Variants in TCFL5 observed in about 807,000 individuals in gnomAD.
TCFL5 encodes the protein transcription factor-like 5 protein.
In TCFL5, 9 loss-of-function variants were observed where a neutral mutation model predicts 44.3. The ratio of observed to expected loss-of-function variants is 0.20; its 90% CI spans 0.12 to 0.35. The LOEUF (loss-of-function observed/expected upper bound fraction) is 0.35. TCFL5 is among the 10% of genes least tolerant of loss of function. The pLI is 1.00. For synonymous variants in TCFL5, 319 were observed against 271.6 expected (o/e 1.17, Z -1.72); for missense variants, 603 against 613.4 (o/e 0.98, Z 0.18).
At chr20:62,859,285 G>T in intron 3 of TCFL5, 79 bp downstream of exon 3, 2 of 1,448,396 alleles carry the variant, frequency 1.4e-6, no homozygotes, top group Non-Finnish European at 1.9e-6. Context: ...TGTCTCCCCT[G>T]CCCCCCAAGG....
intron 2 of TCFL5, 38 bp from the exon 3 acceptor site, chr20:62,859,564 G>A (rs1321587455): frequency 6.3e-6 from 10 of 1,588,242 alleles, no homozygotes; most frequent in Non-Finnish European, 6.8e-6. Flanking sequence ...TTATCAATAT[G>A]TGGCTTACTC....
In TCFL5 at chr20:62,856,691, G is replaced by A. The variant is rs1369222451; in HGVS notation, c.1238+704C>T. On this transcript the variant is annotated intron_variant, in intron 4 of 5. Transcript: ENST00000335351. Reference sequence around the variant, plus strand: ...ACTGCACTCCAGCCTGGGCGACAGAGCAAGACTCCGTCTCAAAAAAAAAAA... The same window carrying A: ...ACTGCACTCCAGCCTGGGCGACAGAACAAGACTCCGTCTCAAAAAAAAAAA... 1.7e-4 allele frequency among the ~76,000 whole-genome samples: 19 copies of A among 113,430 alleles called. No individual in the cohort carries two copies. In the Admixed American group the frequency reaches 2.4e-3, roughly 14 times the overall value. The allele number at this position is 113,430 out of a possible 152,430, so 74.4% of individuals were successfully genotyped here.
intron 4 of TCFL5, among the ~76,000 whole-genome samples, chr20:62,856,927 T>C (rs1264593446): frequency 1.3e-5 from 2 of 152,176 alleles, no homozygotes; most frequent in African/African-American, 4.8e-5. Context: ...GCTTTCCTTC[T>C]GGGAGACTGG....
intron 5 of TCFL5, chr20:62,845,350 T>C (rs1249454377): frequency 1.8e-6 from 2 of 1,107,866 alleles, no homozygotes; most frequent in African/African-American, 3.3e-5. Context: ...CTCGAACTCC[T>C]GACCTCAGGT....
chr20:62,842,287 T>C lies in TCFL5; in HGVS notation c.1381-190A>G, dbSNP rs2063688053. On this transcript the variant is annotated intron_variant, in intron 5 of 5. Transcript: ENST00000335351. The surrounding 1 kb of genome is among the most constrained non-coding windows in gnomAD (Gnocchi z 4.3). The stretch of plus-strand genomic sequence containing the variant: ...ATAATAAACAGATTTTAACTTTTTT[T>C]TTTTCAAATAGCAGTTACACTGTAC... 1.3e-5 allele frequency among the ~76,000 whole-genome samples: 2 copies of C among 152,236 alleles called. No individual in the cohort carries two copies. The highest frequency in any genetic ancestry group is 4.1e-4 in the South Asian group (2 of 4,830).
At chr20:62,848,786 C>T (rs1284890371) in intron 5 of TCFL5, among the ~76,000 whole-genome samples, 2 of 152,054 alleles carry the variant, frequency 1.3e-5, no homozygotes, top group African/African-American at 4.8e-5. Context: ...GCCTGTAATC[C>T]CAGCACTTTG....
intron 5 of TCFL5, among the ~76,000 whole-genome samples, chr20:62,847,123 T>C (rs947277553): frequency 6.7e-6 from 1 of 149,492 alleles, no homozygotes; most frequent in Non-Finnish European, 1.5e-5. Context: ...GCAGACGCTG[T>C]AGTGAGCCAA....
intron 5 of TCFL5, among the ~76,000 whole-genome samples, chr20:62,847,371 T>C (rs1018370103): frequency 8.6e-5 from 13 of 151,632 alleles, no homozygotes; most frequent in African/African-American, 2.9e-4. Context: ...AAGAAGGAAA[T>C]AATAGAAATA....
chr20:62,846,843 G>C (rs1008265689), intron 5 of TCFL5, among the ~76,000 whole-genome samples: 1 of 151,412 alleles, frequency 6.6e-6, no homozygotes, highest in Non-Finnish European at 1.5e-5. Flanking sequence ...TAAGAAAAAA[G>C]AAATAGCTCT....
At chr20:62,846,695 G>A (rs907027456) in intron 5 of TCFL5, among the ~76,000 whole-genome samples, 1 of 151,406 alleles carries the variant, frequency 6.6e-6, no homozygotes, top group Non-Finnish European at 1.5e-5. Context: ...GAGCCCAAGA[G>A]GACGAGGCTG....
intron 4 of TCFL5, among the ~76,000 whole-genome samples, chr20:62,854,611 C>A (rs1408248273): frequency 4.6e-5 from 7 of 152,244 alleles, no homozygotes; most frequent in African/African-American, 1.7e-4. Flanking sequence ...CTACCAGGAA[C>A]TCGTGCACAG....
Position 62,848,717 on chromosome 20 carries a change from G to A in TCFL5, c.1380+5299C>T, listed in dbSNP as rs185994711. Among the ~76,000 whole-genome samples, 29 of 152,218 alleles carry A rather than the reference G, an allele frequency of 1.9e-4. No homozygotes were observed. In the East Asian group the frequency reaches 5.4e-3, roughly 28 times the overall value. ...CACGCCATTGCACTCCAGACTGGGT[G>A]ACAAGAGCGAGACTCCGTCTCAAAA... On this transcript the variant is annotated intron_variant, in intron 5 of 5. Coordinates refer to ENST00000335351, the MANE Select transcript of TCFL5 (RefSeq NM_006602.4).
chr20:62,855,447 CAG>C (rs1050683299), intron 4 of TCFL5, among the ~76,000 whole-genome samples: 1 of 152,226 alleles, frequency 6.6e-6, no homozygotes, highest in African/African-American at 2.4e-5. Flanking sequence ...CACCCTGCCC[CAG>C]CAAGTTTGAA....
rs1336286380 is a variant in TCFL5, at chr20:62,842,441, G to A, written c.1381-344C>T. Reference sequence around the variant, plus strand: ...TAGCTAATAAACCTGTAAACCCAGCGTGTGAGAGAAGGTAGAGTGTATATA... The same window carrying A: ...TAGCTAATAAACCTGTAAACCCAGCATGTGAGAGAAGGTAGAGTGTATATA... On this transcript the variant is annotated intron_variant, in intron 5 of 5. Transcript: ENST00000335351. The surrounding 1 kb of genome is among the most constrained non-coding windows in gnomAD (Gnocchi z 4.3). Among the ~76,000 whole-genome samples, 15 of 152,142 alleles carry A rather than the reference G, an allele frequency of 9.9e-5. No individual in the cohort carries two copies. The highest frequency in any genetic ancestry group is 6.5e-4 in the Admixed American group (10 of 15,278).
Position 62,859,289 on chromosome 20 carries a change from C to T in TCFL5, c.994+75G>A, listed in dbSNP as rs113008071. On this transcript the variant is annotated intron_variant, in intron 3 of 5. Transcript: ENST00000335351. Reference sequence around the variant, plus strand: ...TACAAACCATCTGTCTCCCCTGCCCCCCAAGGCCAAAATGCCATCAGCCAC... The same window carrying T: ...TACAAACCATCTGTCTCCCCTGCCCTCCAAGGCCAAAATGCCATCAGCCAC... 2.0e-6 allele frequency: 3 copies of T among 1,512,096 alleles called. No homozygotes were observed. The South Asian group carries it at 3.7e-5, about 19-fold the overall frequency. 93.7% of individuals were successfully genotyped at this position (1,512,096 alleles called of 1,614,324 possible). A position where few individuals can be genotyped will look rare whatever the true frequency, so the allele number is the denominator to read the frequency against.
chr20:62,850,781 A>G (rs2063799268), intron 5 of TCFL5, among the ~76,000 whole-genome samples: 1 of 151,944 alleles, frequency 6.6e-6, no homozygotes, highest in Admixed American at 6.6e-5. Flanking sequence ...GCAGGCAGGC[A>G]CTCCTCAGAC....
At chr20:62,858,273 A>C (rs1319141711) in intron 3 of TCFL5, among the ~76,000 whole-genome samples, 1 of 152,232 alleles carries the variant, frequency 6.6e-6, no homozygotes, top group Non-Finnish European at 1.5e-5. Flanking sequence ...TCAAAGGACC[A>C]CAGGCACGTG....
intron 5 of TCFL5, chr20:62,852,613 C>A: frequency 1.0e-6 from 1 of 985,492 alleles, no homozygotes; most frequent in East Asian, 1.1e-4. Context: ...GCTAACACGC[C>A]GGCTCCTCCC....
In TCFL5 at chr20:62,842,108, G is replaced by A. The variant is rs751453955; in HGVS notation, c.1381-11C>T. On this transcript the variant is annotated splice_polypyrimidine_tract_variant and intron_variant, in intron 5 of 5. Transcript: ENST00000335351. This position sits in a 1 kb window ranked among gnomAD's most constrained non-coding sequence, Gnocchi z 4.3. Reference sequence around the variant, plus strand: ...TACGCTCTCAAATTCCTGCAGTGAAGAAGTGACGGTTAACATACTGAATTA... The same window carrying A: ...TACGCTCTCAAATTCCTGCAGTGAAAAAGTGACGGTTAACATACTGAATTA... 13 of 1,613,930 alleles carry A rather than the reference G, an allele frequency of 8.1e-6. No homozygotes were observed. Among genetic ancestry groups the A allele is most frequent in the Non-Finnish European group, 1.1e-5 (13 of 1,179,974 alleles).
Sources: gnomAD v4.1 joint callset for allele counts (sites outside exome capture counted in the v4.1 genomes callset) on GRCh38, gnomAD v4.1.1 for gene constraint, Gnocchi (gnomAD v3.1) non-coding constraint, MANE v1.5 for transcripts, NCBI Gene and HGNC (gene_info 2026-07-23, HGNC 2026-07-21) for gene names.